G2E3: variants seen among roughly 807,000 people sequenced by gnomAD.
G2E3 encodes the protein G2/M-phase specific E3 ubiquitin protein ligase.
G2E3 carries 35 observed loss-of-function variants against 92.8 expected under a neutral mutation model. The observed-to-expected ratio is 0.38, with a 90% CI of 0.29 to 0.50. G2E3 has a LOEUF of 0.50. Among genes scored for constraint, G2E3 ranks in the 20% least tolerant of loss-of-function variants. G2E3 has a pLI of 0.94. For synonymous variants in G2E3, 242 were observed against 272.4 expected (o/e 0.89, Z 1.10); for missense variants, 554 against 823.8 (o/e 0.67, Z 4.01).
chr14:30,606,975 A>T (rs1880267282), intron 11 of G2E3, among the ~76,000 whole-genome samples: 1 of 152,134 alleles, frequency 6.6e-6, no homozygotes, highest in Non-Finnish European at 1.5e-5. Flanking sequence ...CCTTTGACCT[A>T]CTAATACCAT....
chr14:30,582,001 C>T (rs544201334), intron 2 of G2E3, among the ~76,000 whole-genome samples: 1 of 152,162 alleles, frequency 6.6e-6, no homozygotes, highest in Non-Finnish European at 1.5e-5. Context: ...TATCTTTTGA[C>T]ACCACATTAT....
intron 8 of G2E3, among the ~76,000 whole-genome samples, chr14:30,600,624 A>G (rs1350445646): frequency 2.6e-5 from 4 of 152,196 alleles, no homozygotes; most frequent in Non-Finnish European, 5.9e-5. Flanking sequence ...TGGTCTCTCA[A>G]TCAGTAGCTA....
rs771705060 is a variant in G2E3, at chr14:30,598,608, G to C, written c.752+9G>C. 2.6e-6 allele frequency: 4 copies of C among 1,531,418 alleles called. No individual in the cohort carries two copies. The highest frequency in any genetic ancestry group is 2.2e-5 in the South Asian group (2 of 89,362). 94.9% of individuals were successfully genotyped at this position (1,531,418 alleles called of 1,614,324 possible). A position where few individuals can be genotyped will look rare whatever the true frequency, so the allele number is the denominator to read the frequency against. On this transcript the variant is annotated intron_variant, in intron 8 of 14. Transcript: ENST00000206595. ...TATAATGCACCTGATAGGTATTTCT[G>C]AAAGTTCAGTTGTGCTTAGTGGTTC...
At chr14:30,587,527 T>C (rs1376002977) in intron 3 of G2E3, among the ~76,000 whole-genome samples, 1 of 152,226 alleles carries the variant, frequency 6.6e-6, no homozygotes, top group Non-Finnish European at 1.5e-5. Context: ...TCACATAGTA[T>C]CTGAGGGTCA....
intron 2 of G2E3, among the ~76,000 whole-genome samples, chr14:30,581,452 A>AGGC: frequency 6.6e-6 from 1 of 152,250 alleles, no homozygotes; most frequent in Non-Finnish European, 1.5e-5. Flanking sequence ...CACGCCTGCA[A>AGGC]TTCCAGCACT....
Position 30,616,681 on chromosome 14 carries a change from A to AT in G2E3, c.*148dup. The AT allele has an allele frequency of 1.7e-6, 1 of 601,648 alleles. No homozygotes were observed. Among genetic ancestry groups the AT allele is most frequent in the Non-Finnish European group, 2.8e-6 (1 of 359,636 alleles). The allele number at this position is 601,648 out of a possible 1,614,324, so 37.3% of individuals were successfully genotyped here. Reference sequence around the variant, plus strand: ...TATGATATGAATATAAAGGAATATTATAGCCACTTAGGCTAAAAAAAGGTT... The same window carrying AT: ...TATGATATGAATATAAAGGAATATTATTAGCCACTTAGGCTAAAAAAAGGTT... On this transcript the variant is annotated 3_prime_UTR_variant, in exon 15 of 15. Coordinates refer to ENST00000206595, the MANE Select transcript of G2E3 (RefSeq NM_017769.5).
intron 1 of G2E3, chr14:30,560,342 T>A (rs1482138660): frequency 6.4e-6 from 1 of 155,410 alleles, no homozygotes; most frequent in Non-Finnish European, 1.4e-5. Context: ...CACCAGGATA[T>A]TGTACCATTT....
Position 30,593,578 on chromosome 14 carries a change from G to A in G2E3, c.467G>A (p.Ser156Asn). 2 of 1,603,770 alleles carry A rather than the reference G, an allele frequency of 1.2e-6. No individual in the cohort carries two copies. Among genetic ancestry groups the A allele is most frequent in the Non-Finnish European group, 8.5e-7 (1 of 1,171,092 alleles). ...TTGGAATTTATTGAGCCTATTCCAA[G>A]TTATAACATATTACGAAGTCCTTGT... ...ICLEFIEPIP[S>N]YNILRSPCCK... is the part of the protein sequence containing the mutation. The change falls in exon 6 of 15, where the codon AGT (serine) becomes AAT (asparagine). Residue 156 changes from serine to asparagine, a missense_variant. This residue lies in a region of G2E3 where 137 missense variants were observed against 201.3 expected (regional missense o/e 0.68). Coordinates refer to ENST00000206595, the MANE Select transcript of G2E3 (RefSeq NM_017769.5).
At chr14:30,597,381 T>A (rs751432920) in intron 6 of G2E3, 39 bp from the exon 7 acceptor site, 2 of 978,114 alleles carry the variant, frequency 2.0e-6, no homozygotes, top group Admixed American at 1.7e-5. Flanking sequence ...GATAACAGAT[T>A]TAAATCATTA....
chr14:30,616,265 T>C lies in G2E3; in HGVS notation c.1865-13T>C. The C allele has an allele frequency of 1.3e-6, 2 of 1,572,600 alleles. No homozygotes were observed. Among genetic ancestry groups the C allele is most frequent in the Non-Finnish European group, 8.7e-7 (1 of 1,144,942 alleles). On this transcript the variant is annotated splice_polypyrimidine_tract_variant and intron_variant, in intron 14 of 14. Transcript: ENST00000206595. ...TTTGTTTCTTTTACTCTTTTATTGG[T>C]AAATTTTTTCAGATGGTAAATCTAC...
In G2E3 at chr14:30,586,820, G is replaced by T; in HGVS notation, c.135+5G>T. 1 of 960,628 alleles carries T rather than the reference G, an allele frequency of 1.0e-6. No individual in the cohort carries two copies. Among genetic ancestry groups the T allele is most frequent in the Non-Finnish European group, 1.5e-6 (1 of 659,010 alleles). 59.5% of individuals were successfully genotyped at this position (960,628 alleles called of 1,614,324 possible). ...ACTGTACATTACTACTGTTTGGTGAGTATAATTTATAATTAAATTCTAGAA... is the reference window on the plus strand; with the variant it reads ...ACTGTACATTACTACTGTTTGGTGATTATAATTTATAATTAAATTCTAGAA... On this transcript the variant is annotated splice_donor_5th_base_variant and intron_variant, in intron 3 of 14. Transcript: ENST00000206595.
chr14:30,612,403 G>T, intron 13 of G2E3, 24 bp downstream of exon 13: 1 of 1,413,408 alleles, frequency 7.1e-7, no homozygotes. Context: ...ATTAATATAT[G>T]GCTCTTTCAA....
Position 30,580,983 on chromosome 14 carries a change from T to A in G2E3, c.-4-93T>A, listed in dbSNP as rs1880400342. The A allele has an allele frequency of 6.7e-6, 5 of 747,512 alleles. No homozygotes were observed. The Admixed American group carries it at 8.0e-5, about 12-fold the overall frequency. The allele number at this position is 747,512 out of a possible 1,614,324, so 46.3% of individuals were successfully genotyped here. Reference sequence around the variant, plus strand: ...TTTAAATACTAGAGTATTAGATGACTTATTTGTCATTATGCATTGACTGCA... The same window carrying A: ...TTTAAATACTAGAGTATTAGATGACATATTTGTCATTATGCATTGACTGCA... On this transcript the variant is annotated intron_variant, in intron 1 of 14. Coordinates refer to ENST00000206595, the MANE Select transcript of G2E3 (RefSeq NM_017769.5).
rs371641829 is a variant in G2E3, at chr14:30,612,430, G to T, written c.1673+51G>T. 5 of 1,131,954 alleles carry T rather than the reference G, an allele frequency of 4.4e-6. No individual in the cohort carries two copies. In the Admixed American group the frequency reaches 7.3e-5, roughly 16 times the overall value. The allele number at this position is 1,131,954 out of a possible 1,614,324, so 70.1% of individuals were successfully genotyped here. A position where few individuals can be genotyped will look rare whatever the true frequency, so the allele number is the denominator to read the frequency against. On this transcript the variant is annotated intron_variant, in intron 13 of 14. Transcript: ENST00000206595. The stretch of plus-strand genomic sequence containing the variant: ...CTCTTTCAAATTACATGTTTAAAGT[G>T]GTTAATTATCTTGTAATGTGAGATA...
Position 30,598,606 on chromosome 14 carries a change from C to A in G2E3, c.752+7C>A, listed in dbSNP as rs759229900. On this transcript the variant is annotated splice_region_variant and intron_variant, in intron 8 of 14. Transcript: ENST00000206595. ...ACTATAATGCACCTGATAGGTATTT[C>A]TGAAAGTTCAGTTGTGCTTAGTGGT... 1.3e-6 allele frequency: 2 copies of A among 1,545,174 alleles called. No individual in the cohort carries two copies. The highest frequency in any genetic ancestry group is 2.2e-5 in the South Asian group (2 of 89,654).
At chr14:30,568,295 T>C (rs1425704902) in intron 1 of G2E3, among the ~76,000 whole-genome samples, 1 of 152,148 alleles carries the variant, frequency 6.6e-6, no homozygotes, top group African/African-American at 2.4e-5. Flanking sequence ...TCCATCTATT[T>C]GTGTTTTGAT....
chr14:30,619,291 A>G lies in G2E3; in HGVS notation c.*2757A>G, dbSNP rs773798189. ...ATTTGTAAATTTTTCCCCTAATTATATGGAAGCTATTGGAACTTTTGTATT... is the reference window on the plus strand; with the variant it reads ...ATTTGTAAATTTTTCCCCTAATTATGTGGAAGCTATTGGAACTTTTGTATT... On this transcript the variant is annotated 3_prime_UTR_variant, in exon 15 of 15. Coordinates refer to ENST00000206595, the MANE Select transcript of G2E3 (RefSeq NM_017769.5). 4 of 152,074 alleles carry G rather than the reference A, an allele frequency of 2.6e-5. No individual in the cohort carries two copies. The highest frequency in any genetic ancestry group is 5.9e-5 in the Non-Finnish European group (4 of 67,922). 9.4% of individuals were successfully genotyped at this position (152,074 alleles called of 1,614,324 possible).
intron 13 of G2E3, among the ~76,000 whole-genome samples, chr14:30,614,866 A>G (rs905136440): frequency 6.6e-6 from 1 of 152,086 alleles, no homozygotes; most frequent in African/African-American, 2.4e-5. Context: ...CTTTGCATAA[A>G]ATTAATTTTC....
chr14:30,618,271 A>C lies in G2E3; in HGVS notation c.*1737A>C, dbSNP rs1882409112. Reference sequence around the variant, plus strand: ...TTTTTTGTCTCACCAATAGTAATTGAAAGATCAATTATCAAAGAGTTTGAA... The same window carrying C: ...TTTTTTGTCTCACCAATAGTAATTGCAAGATCAATTATCAAAGAGTTTGAA... On this transcript the variant is annotated 3_prime_UTR_variant, in exon 15 of 15. Transcript: ENST00000206595. The C allele has an allele frequency of 1.3e-5, 2 of 152,140 alleles. No homozygotes were observed. Among genetic ancestry groups the C allele is most frequent in the South Asian group, 4.1e-4 (2 of 4,828 alleles). 9.4% of individuals were successfully genotyped at this position (152,140 alleles called of 1,614,324 possible). A position where few individuals can be genotyped will look rare whatever the true frequency, so the allele number is the denominator to read the frequency against.
Sources: allele counts gnomAD v4.1 joint callset (sites outside exome capture counted in the v4.1 genomes callset), GRCh38; gene constraint gnomAD v4.1.1; regional missense constraint gnomAD v4.1.1; transcripts MANE v1.5; gene names NCBI Gene and HGNC (gene_info 2026-07-23, HGNC 2026-07-21).